The following AGPS variants were observed in gnomAD, a reference collection of about 807,000 sequenced individuals.
AGPS encodes the protein alkylglycerone phosphate synthase, also known as alkyldihydroxyacetonephosphate synthase, peroxisomal.
Under a neutral mutation model 90.7 loss-of-function variants are expected in AGPS, and 26 were observed. The ratio of observed to expected loss-of-function variants is 0.29; its 90% CI spans 0.21 to 0.40. The LOEUF (loss-of-function observed/expected upper bound fraction) is 0.40. AGPS is among the 10% of genes least tolerant of loss of function. The probability of loss-of-function intolerance (pLI) is 1.00; values close to 1 mark genes in which losing one functional copy is unlikely to be tolerated. For synonymous variants in AGPS, 294 were observed against 285.3 expected, an observed-to-expected ratio of 1.03 and a Z score of -0.31; for missense variants, 540 against 816.1, an observed-to-expected ratio of 0.66 and a Z score of 4.12.
chr2:177,396,238 G>A (rs80257540), intron 1 of AGPS, among the ~76,000 whole-genome samples: 3,937 of 152,286 alleles, frequency 0.026, 343 homozygotes, highest in Admixed American at 0.16. Flanking sequence ...AGGTGATTTA[G>A]TATTGGTAGA....
rs563418811 is a variant in AGPS, at chr2:177,539,173, C to T, written c.*978C>T. The T allele has an allele frequency of 6.6e-6, 1 of 151,984 alleles. No homozygotes were observed. The highest frequency in any genetic ancestry group is 1.9e-4 in the East Asian group (1 of 5,192). 9.4% of individuals were successfully genotyped at this position (151,984 alleles called of 1,614,324 possible). On this transcript the variant is annotated 3_prime_UTR_variant, in exon 20 of 20. Transcript: ENST00000264167. ...CCTCAGCAGTTTCAATGACAAAAAT[C>T]ATTTTTGATTTTTTAAAATTAATCC...
intron 10 of AGPS, 91 bp downstream of exon 10, chr2:177,468,615 A>C (rs1687524570): frequency 2.2e-6 from 2 of 922,726 alleles, no homozygotes; most frequent in Non-Finnish European, 3.5e-6. Flanking sequence ...GATCTTTGAA[A>C]GACATGTTTT....
intron 1 of AGPS, among the ~76,000 whole-genome samples, chr2:177,404,366 C>T (rs556972305): frequency 1.8e-4 from 28 of 152,130 alleles, no homozygotes; most frequent in East Asian, 1.7e-3. Flanking sequence ...ATGTACATTC[C>T]GTGCTTATTC....
At chr2:177,432,872 C>A (rs1038418514) in intron 2 of AGPS, among the ~76,000 whole-genome samples, 2 of 152,154 alleles carry the variant, frequency 1.3e-5, no homozygotes, top group African/African-American at 2.4e-5. Flanking sequence ...GTGCTGAGAT[C>A]ACATGGTGAA....
intron 1 of AGPS, among the ~76,000 whole-genome samples, chr2:177,396,434 C>T (rs997321490): frequency 6.6e-6 from 1 of 152,072 alleles, no homozygotes; most frequent in African/African-American, 2.4e-5. Context: ...TATAGTATGT[C>T]AGGTAGTGAT....
chr2:177,538,474 G>A lies in AGPS; in HGVS notation c.*279G>A, dbSNP rs2079203452. On this transcript the variant is annotated 3_prime_UTR_variant, in exon 20 of 20. Coordinates refer to ENST00000264167, the MANE Select transcript of AGPS (RefSeq NM_003659.4). ...GCACAAAGCTGTCAATTATTCCAGA[G>A]GAAGCTGCTGCCAGCTGTTTTGTAT... is the stretch of plus-strand genomic sequence containing the variant. The A allele has an allele frequency of 4.8e-6, 2 of 413,008 alleles. No individual in the cohort carries two copies. Among genetic ancestry groups the A allele is most frequent in the Non-Finnish European group, 8.9e-6 (2 of 225,668 alleles). The allele number at this position is 413,008 out of a possible 1,614,324, so 25.6% of individuals were successfully genotyped here.
intron 10 of AGPS, among the ~76,000 whole-genome samples, chr2:177,470,769 A>G (rs1385057087): frequency 6.6e-6 from 1 of 151,976 alleles, no homozygotes; most frequent in East Asian, 1.9e-4. Flanking sequence ...CTAAATTACC[A>G]TAGTTAAATG....
rs2079241173 is a variant in AGPS at position 177,542,032 on chromosome 2, G to A, written c.*3837G>A. 1.4e-5 allele frequency: 1 copy of A among 71,674 alleles called. No homozygotes were observed. Among genetic ancestry groups the A allele is most frequent in the Non-Finnish European group, 2.8e-5 (1 of 35,736 alleles). The allele number at this position is 71,674 out of a possible 1,614,324, so 4.4% of individuals were successfully genotyped here. On this transcript the variant is annotated 3_prime_UTR_variant, in exon 20 of 20. Transcript: ENST00000264167. ...ATCATATTATTAATAAAATGGACCT[G>A]GGTCTAATATTTTTTTTCTTCAAAG...
intron 1 of AGPS, among the ~76,000 whole-genome samples, chr2:177,414,728 A>G (rs1274347070): frequency 6.6e-6 from 1 of 152,194 alleles, no homozygotes; most frequent in Non-Finnish European, 1.5e-5. Flanking sequence ...TTCTCAGAAC[A>G]GAGAGAAACT....
intron 10 of AGPS, among the ~76,000 whole-genome samples, chr2:177,469,921 C>T (rs1252475625): frequency 6.6e-6 from 1 of 151,836 alleles, no homozygotes; most frequent in African/African-American, 2.4e-5. Flanking sequence ...TAATAACAGA[C>T]AATTATACAA....
chr2:177,484,972 T>A (rs1213329692), intron 11 of AGPS, among the ~76,000 whole-genome samples: 1 of 152,026 alleles, frequency 6.6e-6, no homozygotes, highest in Non-Finnish European at 1.5e-5. Flanking sequence ...CTCCCTGTGT[T>A]CCCCAGGCTG....
chr2:177,438,029 A>G (rs1686468553), intron 5 of AGPS, among the ~76,000 whole-genome samples: 1 of 152,230 alleles, frequency 6.6e-6, no homozygotes, highest in Admixed American at 6.5e-5. Context: ...AGGAAAAGAT[A>G]TTCTCCAATA....
intron 1 of AGPS, among the ~76,000 whole-genome samples, chr2:177,405,074 A>G (rs558938263): frequency 1.4e-4 from 22 of 152,374 alleles, no homozygotes; most frequent in African/African-American, 5.3e-4. Context: ...GCCAAGAACC[A>G]GAAAGCCATC....
chr2:177,533,885 C>G (rs559012330), intron 19 of AGPS, among the ~76,000 whole-genome samples: 1 of 152,266 alleles, frequency 6.6e-6, no homozygotes, highest in Admixed American at 6.5e-5. Flanking sequence ...AAAGAGATAT[C>G]CAGGATACTC....
intron 1 of AGPS, among the ~76,000 whole-genome samples, chr2:177,398,181 G>T (rs1466025741): frequency 2.0e-5 from 3 of 152,148 alleles, no homozygotes; most frequent in African/African-American, 7.2e-5. Context: ...CAGAGCAAAG[G>T]TTATTTGCAC....
chr2:177,494,927 A>G (rs1255479030), intron 12 of AGPS, among the ~76,000 whole-genome samples: 1 of 152,192 alleles, frequency 6.6e-6, no homozygotes, highest in Non-Finnish European at 1.5e-5. Context: ...GCTTAGCACA[A>G]CAAAAGGTGC....
chr2:177,430,339 C>G (rs1686204767), intron 2 of AGPS, among the ~76,000 whole-genome samples: 1 of 152,140 alleles, frequency 6.6e-6, no homozygotes, highest in Non-Finnish European at 1.5e-5. Context: ...TGGATTCAGT[C>G]CCCCTCCTAG....
intron 8 of AGPS, among the ~76,000 whole-genome samples, chr2:177,453,327 A>G (rs1687008158): frequency 6.7e-6 from 1 of 150,104 alleles, no homozygotes; most frequent in Non-Finnish European, 1.5e-5. Flanking sequence ...GCTGGAGTGC[A>G]GTGGCCTGAT....
At chr2:177,403,008 G>T (rs147921272) in intron 1 of AGPS, among the ~76,000 whole-genome samples, 2 of 152,164 alleles carry the variant, frequency 1.3e-5, no homozygotes, top group South Asian at 4.1e-4. Context: ...AGTGAGCCGA[G>T]ATCATGCCAC....
Sources: allele counts gnomAD v4.1 joint callset (sites outside exome capture counted in the v4.1 genomes callset), GRCh38; gene constraint gnomAD v4.1.1; transcripts MANE v1.5; gene names NCBI Gene and HGNC (gene_info 2026-07-23, HGNC 2026-07-21).